DNAH11: variants seen among roughly 807,000 people sequenced by gnomAD.
The protein encoded by DNAH11 is dynein axonemal heavy chain 11, also known as axonemal beta dynein heavy chain 11.
In DNAH11, 442 loss-of-function variants were observed where a neutral mutation model predicts 526.0. That is an observed-to-expected ratio of 0.84 (90% CI 0.78 to 0.91). The LOEUF (loss-of-function observed/expected upper bound fraction) is 0.91. Ranked by LOEUF, DNAH11 falls within the 40% of genes least tolerant of loss-of-function variation. The probability of loss-of-function intolerance (pLI) is 0.00; values close to 1 mark genes in which losing one functional copy is unlikely to be tolerated. For missense variants in DNAH11, 6,989 were observed against 5,448.7 expected (o/e 1.28, Z -8.90); for synonymous variants, 2,461 against 1,935.9 (o/e 1.27, Z -7.12).
At chr7:21,817,700 T>G (rs1789862286) in intron 64 of DNAH11, among the ~76,000 whole-genome samples, 1 of 151,940 alleles carries the variant, frequency 6.6e-6, no homozygotes, top group Non-Finnish European at 1.5e-5. Context: ...TCTCTATTTT[T>G]TTTTGATGTA....
In DNAH11 at chr7:21,698,073, A is replaced by G. The variant is rs370875439; in HGVS notation, c.6042-2A>G. The G allele has an allele frequency of 6.2e-7, 1 of 1,606,580 alleles. No individual in the cohort carries two copies. The highest frequency in any genetic ancestry group is 8.5e-7 in the Non-Finnish European group (1 of 1,177,486). ...AAACTAAAATTCTTATTTACTTTTT[A>G]GACCCTGTGCCATGGTGGCCCCTGA... On this transcript the variant is annotated splice_acceptor_variant, in intron 35 of 81. Transcript: ENST00000409508. LOFTEE classifies it high-confidence loss of function.
chr7:21,657,632 G>A (rs760286152), intron 29 of DNAH11, among the ~76,000 whole-genome samples: 1 of 152,160 alleles, frequency 6.6e-6, no homozygotes, highest in South Asian at 2.1e-4. Flanking sequence ...ATTAATGAGG[G>A]AACTTGTTGC....
intron 2 of DNAH11, among the ~76,000 whole-genome samples, chr7:21,552,650 T>TCAAA (rs1783065653): frequency 1.3e-5 from 2 of 152,196 alleles, no homozygotes; most frequent in African/African-American, 4.8e-5. Flanking sequence ...CTCCAGGACC[T>TCAAA]TTTCTAAGAT....
intron 32 of DNAH11, 55 bp from the exon 33 acceptor site, chr7:21,687,044 G>A: frequency 6.5e-7 from 1 of 1,533,992 alleles, no homozygotes. Context: ...TGCCTCTGAT[G>A]TTTTATGAAA....
Position 21,725,815 on chromosome 7 carries a change from C to G in DNAH11, c.7271C>G (p.Ser2424Cys), listed in dbSNP as rs765054695. The G allele has an allele frequency of 4.5e-5, 73 of 1,609,724 alleles. No homozygotes were observed. The South Asian group carries it at 7.7e-4, about 17-fold the overall frequency. ...FGGTLLQDQI[S>C]DYQADFSRWW... ...GATTTCTTTTGTTCTCCTTAGATTT[C>G]TGATTATCAAGCTGACTTCAGTCGG... Residue 2424 changes from serine to cysteine, a missense_variant, in exon 45 of 82, where the codon TCT (serine) becomes TGT (cysteine). Physicochemically the swap from Ser to Cys is moderately radical, Grantham distance 112 (BLOSUM62 -1). Transcript: ENST00000409508.
intron 30 of DNAH11, among the ~76,000 whole-genome samples, chr7:21,670,459 A>G (rs946634507): frequency 7.2e-5 from 11 of 152,298 alleles, no homozygotes; most frequent in Admixed American, 3.9e-4. Flanking sequence ...CTTCCTGTGT[A>G]CAGAAATACA....
rs113727835 is a variant in DNAH11, at chr7:21,589,661, G to A, written c.2169+258G>A. 5.2e-3 allele frequency among the ~76,000 whole-genome samples: 787 copies of A among 152,136 alleles called. 15 individuals are homozygous for A. The highest frequency in any genetic ancestry group is 0.018 in the African/African-American group (745 of 41,524). On this transcript the variant is annotated intron_variant, in intron 12 of 81. Coordinates refer to ENST00000409508, the MANE Select transcript of DNAH11 (RefSeq NM_001277115.2). ...TAATGAGCCACTGAGAGTAGCATCC[G>A]TTTCATTGCATCTTTATGCTCTATG...
chr7:21,719,990 C>G (rs1189345036), intron 43 of DNAH11, among the ~76,000 whole-genome samples: 1 of 152,222 alleles, frequency 6.6e-6, no homozygotes, highest in Non-Finnish European at 1.5e-5. Context: ...CCGCATTCCC[C>G]TCATTGCTGG....
chr7:21,850,915 T>C (rs1256786229), intron 66 of DNAH11, among the ~76,000 whole-genome samples: 2 of 152,212 alleles, frequency 1.3e-5, no homozygotes, highest in Non-Finnish European at 2.9e-5. Context: ...CTGGAGTCTG[T>C]CAATGTGTTG....
At chr7:21,875,205 G>T (rs576681767) in intron 74 of DNAH11, among the ~76,000 whole-genome samples, 35 of 152,154 alleles carry the variant, frequency 2.3e-4, no homozygotes, top group African/African-American at 7.9e-4. Flanking sequence ...CACTATGACA[G>T]ACATATATGT....
chr7:21,557,516 G>A (rs1291086361), intron 2 of DNAH11, among the ~76,000 whole-genome samples: 1 of 152,158 alleles, frequency 6.6e-6, no homozygotes, highest in Non-Finnish European at 1.5e-5. Context: ...GGGCGAACAA[G>A]CTCCGTTGGT....
chr7:21,592,506 G>A (rs540223844), intron 14 of DNAH11, among the ~76,000 whole-genome samples: 6 of 152,324 alleles, frequency 3.9e-5, no homozygotes, highest in Admixed American at 3.9e-4. Flanking sequence ...GGTACATTAT[G>A]TGGGGTTAGC....
At chr7:21,689,093 C>T (rs1222468586) in intron 34 of DNAH11, among the ~76,000 whole-genome samples, 2 of 152,190 alleles carry the variant, frequency 1.3e-5, no homozygotes, top group African/African-American at 2.4e-5. Context: ...CCTTCTGCCA[C>T]GTGGGCCTTG....
intron 73 of DNAH11, 98 bp from the exon 74 acceptor site, chr7:21,873,176 C>G: frequency 9.1e-7 from 1 of 1,094,468 alleles, no homozygotes; most frequent in Non-Finnish European, 1.3e-6. Flanking sequence ...TCATGGTTCT[C>G]TGAGTTTTCA....
intron 5 of DNAH11, among the ~76,000 whole-genome samples, chr7:21,562,395 T>C (rs762860636): frequency 2.0e-5 from 3 of 152,196 alleles, no homozygotes; most frequent in Non-Finnish European, 4.4e-5. Flanking sequence ...TATTATACAC[T>C]ATGCAAGGTA....
In DNAH11 at chr7:21,815,837, C is replaced by G. The variant is rs191969074; in HGVS notation, c.10333-630C>G. Among the ~76,000 whole-genome samples, 10 of 152,202 alleles carry G rather than the reference C, an allele frequency of 6.6e-5. No homozygotes were observed. The East Asian group carries it at 1.7e-3, about 26-fold the overall frequency. ...TCCTTATTCTTTAAAATGGATTGCT[C>G]TCTCCACCCCACTTGCCCCTCCCTC... On this transcript the variant is annotated intron_variant, in intron 63 of 81. Transcript: ENST00000409508.
At chr7:21,566,769 T>C (rs937935374) in intron 6 of DNAH11, among the ~76,000 whole-genome samples, 2 of 152,186 alleles carry the variant, frequency 1.3e-5, no homozygotes, top group African/African-American at 4.8e-5. Context: ...TTGTAAAATA[T>C]TCTCATTGCA....
intron 65 of DNAH11, among the ~76,000 whole-genome samples, chr7:21,833,566 A>C (rs1223367736): frequency 1.3e-5 from 2 of 152,102 alleles, no homozygotes; most frequent in Non-Finnish European, 2.9e-5. Flanking sequence ...ATGATGGCAC[A>C]CACCTGTAAT....
intron 23 of DNAH11, among the ~76,000 whole-genome samples, chr7:21,618,737 A>G (rs1785901992): frequency 6.6e-6 from 1 of 152,210 alleles, no homozygotes; most frequent in East Asian, 1.9e-4. Flanking sequence ...AAGACAAATG[A>G]GCCACTACCT....
Sources: allele counts gnomAD v4.1 joint callset (sites outside exome capture counted in the v4.1 genomes callset), GRCh38; gene constraint gnomAD v4.1.1; transcripts MANE v1.5; gene names NCBI Gene and HGNC (gene_info 2026-07-23, HGNC 2026-07-21).